The following TSFM variants were observed in gnomAD, a reference collection of about 807,000 sequenced individuals.
TSFM encodes elongation factor Ts, mitochondrial.
Under a neutral mutation model 33.4 loss-of-function variants are expected in TSFM, and 29 were observed. The observed-to-expected ratio is 0.87, with a 90% CI of 0.65 to 1.18. The LOEUF is 1.18. TSFM is among the 50% of genes most tolerant of loss of function. TSFM has a pLI of 0.00. For synonymous variants in TSFM, 178 were observed against 163.5 expected (o/e 1.09, Z -0.68); for missense variants, 394 against 395.6 (o/e 1.00, Z 0.04).
At chr12:57,792,368 G>C (rs540778175) in intron 4 of TSFM, among the ~76,000 whole-genome samples, 4 of 152,202 alleles carry the variant, frequency 2.6e-5, no homozygotes, top group Non-Finnish European at 5.9e-5. Flanking sequence ...AGCAACATAG[G>C]GAAACCCCAT....
Position 57,796,181 on chromosome 12 carries a change from A to T in TSFM, c.576A>T (p.Lys192Asn). The change falls in exon 6 of 6, where the codon AAA (lysine) becomes AAT (asparagine). Residue 192 changes from lysine (K) to asparagine (N), a missense_variant. Physicochemically the swap from Lys to Asn is moderately conservative, Grantham distance 94 (BLOSUM62 0). Transcript: ENST00000652027. Reference protein sequence around the residue: ...LKDQLALAIGKLGENMILKRA... With the variant: ...LKDQLALAIGNLGENMILKRA... ...TTTTTGTTTTTGCTTTAATAGGAAAACTGGGAGAAAACATGATTCTTAAAC... is the reference window on the plus strand; with the variant it reads ...TTTTTGTTTTTGCTTTAATAGGAAATCTGGGAGAAAACATGATTCTTAAAC... 1 of 1,572,538 alleles carries T rather than the reference A, an allele frequency of 6.4e-7. No homozygotes were observed.
Position 57,796,393 on chromosome 12 carries a change from TG to T in TSFM, c.790del (p.Ala264ProfsTer44), listed in dbSNP as rs748977370. 6.2e-7 allele frequency: 1 copy of T among 1,602,772 alleles called. No homozygotes were observed. Among genetic ancestry groups the T allele is most frequent in the Non-Finnish European group, 8.5e-7 (1 of 1,174,510 alleles). ...GRRLGQHVVG[M>X]APLSVGSLDD... Reference sequence around the variant, plus strand: ...CGCCTTGGGCAGCATGTGGTGGGCATGGCCCCCCTCTCTGTTGGCTCCCTGG... The same window carrying T: ...CGCCTTGGGCAGCATGTGGTGGGCATGCCCCCCTCTCTGTTGGCTCCCTGG... On this transcript the variant is annotated frameshift_variant, in exon 6 of 6. Transcript: ENST00000652027. LOFTEE classifies it high-confidence loss of function.
At chr12:57,784,192 A>G (rs1955557847) in intron 2 of TSFM, 3 of 697,620 alleles carry the variant, frequency 4.3e-6, no homozygotes, top group South Asian at 3.0e-5. Flanking sequence ...GTATCTAAAC[A>G]TAGAAAAAGT....
downstream of TSFM, chr12:57,802,258 C>T (rs200254571): frequency 1.9e-5 from 30 of 1,614,090 alleles, no homozygotes; most frequent in Middle Eastern, 1.7e-4. Context: ...GGATCTCGGC[C>T]GCTGGGGTGA....
intron 4 of TSFM, among the ~76,000 whole-genome samples, chr12:57,791,301 C>CG (rs1308923824): frequency 2.2e-4 from 33 of 152,178 alleles, no homozygotes; most frequent in African/African-American, 8.0e-4. Flanking sequence ...TGGGCCACCG[C>CG]GCCCGGCCGG....
chr12:57,789,230 C>G (rs1234551099), intron 4 of TSFM, among the ~76,000 whole-genome samples: 1 of 152,064 alleles, frequency 6.6e-6, no homozygotes, highest in Admixed American at 6.6e-5. Context: ...TCCCAAAGTG[C>G]TGGGATTACA....
intron 4 of TSFM, 108 bp from the exon 5 acceptor site, chr12:57,792,878 C>T: frequency 9.2e-7 from 1 of 1,092,630 alleles, no homozygotes; most frequent in Non-Finnish European, 1.3e-6. Flanking sequence ...AGGCGTGAGC[C>T]ACCACGCCTG....
intron 4 of TSFM, among the ~76,000 whole-genome samples, chr12:57,789,872 T>A (rs1955639855): frequency 6.6e-6 from 1 of 152,182 alleles, no homozygotes. Flanking sequence ...GATATGCCCT[T>A]ATTATTTTCT....
chr12:57,802,061 G>T, downstream of TSFM: 1 of 1,378,106 alleles, frequency 7.3e-7, no homozygotes. Flanking sequence ...TGAGGTCCTG[G>T]TTTCACTGAG....
chr12:57,784,001 A>G, intron 2 of TSFM: 1 of 702,956 alleles, frequency 1.4e-6, no homozygotes, highest in Non-Finnish European at 2.6e-6. Context: ...CATTCTGAGA[A>G]ATGGCGTCGT....
chr12:57,788,423 C>T (rs1365184301), intron 4 of TSFM, among the ~76,000 whole-genome samples: 1 of 151,972 alleles, frequency 6.6e-6, no homozygotes, highest in Non-Finnish European at 1.5e-5. Context: ...ACTACAGGCG[C>T]CCGCCACCAC....
At chr12:57,797,764 T>C, downstream of TSFM, 1 of 846,830 alleles carries the variant, frequency 1.2e-6, no homozygotes, top group Non-Finnish European at 1.7e-6. Context: ...TTGCAGACTC[T>C]ATTATATCTA....
At chr12:57,795,168 C>T (rs538781772) in intron 5 of TSFM, among the ~76,000 whole-genome samples, 2 of 150,884 alleles carry the variant, frequency 1.3e-5, no homozygotes, top group African/African-American at 2.4e-5. Flanking sequence ...GGCATGATCT[C>T]GCTCGCTGTA....
intron 1 of TSFM, 71 bp downstream of exon 1, chr12:57,782,929 C>T (rs904750086): frequency 2.0e-5 from 31 of 1,512,276 alleles, no homozygotes; most frequent in South Asian, 4.9e-5. Flanking sequence ...CCTTTCCCTT[C>T]CTCCCAACCT....
At chr12:57,802,302 C>T (rs374532704), downstream of TSFM, 3 of 1,613,862 alleles carry the variant, frequency 1.9e-6, no homozygotes, top group South Asian at 1.1e-5. Context: ...GGCAAGGGCA[C>T]TCTCCTTCTC....
rs768718007 is a variant in TSFM at position 57,796,540 on chromosome 12, G to T, written c.935G>T (p.Arg312Leu). ...GGGGTGTCGGTAGTAGACTTTGTGC[G>T]GTTTGAATGTGGAGAAGGTGAAGAG... ...PQGVSVVDFV[R>L]FECGEGEEAA... is the part of the protein sequence containing the mutation. Residue 312 changes from arginine (R) to leucine (L), a missense_variant, in exon 6 of 6, where the codon CGG (arginine) becomes CTG (leucine). By Grantham distance (102) the Arg-to-Leu change is moderately radical. Around this residue, in one of 3 missense-constraint regions of TSFM, gnomAD observed 186 missense variants for 198.8 expected, o/e 0.94. Transcript: ENST00000652027. 8.2e-6 allele frequency: 12 copies of T among 1,461,080 alleles called. No homozygotes were observed. The highest frequency in any genetic ancestry group is 1.1e-5 in the Non-Finnish European group (12 of 1,102,116). The allele number at this position is 1,461,080 out of a possible 1,614,324, so 90.5% of individuals were successfully genotyped here.
chr12:57,802,614 C>G (rs1016281716), exon 6 of TSFM: 1 of 702,792 alleles, frequency 1.4e-6, no homozygotes, highest in Non-Finnish European at 2.6e-6. Context: ...CAACTTCTTG[C>G]AGAACACCTC....
downstream of TSFM, chr12:57,801,176 C>T: frequency 6.2e-7 from 1 of 1,613,740 alleles, no homozygotes; most frequent in South Asian, 1.1e-5. Flanking sequence ...GCAGCATCTC[C>T]CAGCTCTTCT....
At position 57,782,806 on chromosome 12, in the gene TSFM, C is replaced by G; in HGVS notation, c.5C>G (p.Ser2Trp). Residue 2 changes from serine (S) to tryptophan (W), a missense_variant, in exon 1 of 6, where the codon TCG (serine) becomes TGG (tryptophan). Physicochemically the swap from Ser to Trp is radical, Grantham distance 177. Transcript: ENST00000652027. The part of the protein sequence containing the change: M[S>W]LLRSLRVFLV... ...GTGTTTATCGCGGCTAGAGAGATGT[C>G]GCTGCTGCGGTCGCTGCGCGTGTTT... 3 of 1,591,124 alleles carry G rather than the reference C, an allele frequency of 1.9e-6. No individual in the cohort carries two copies. Among genetic ancestry groups the G allele is most frequent in the Middle Eastern group, 1.7e-4 (1 of 6,028 alleles).
Sources: allele counts gnomAD v4.1 joint callset (sites outside exome capture counted in the v4.1 genomes callset), GRCh38; gene constraint gnomAD v4.1.1; regional missense constraint gnomAD v4.1.1; transcripts MANE v1.5; gene names NCBI Gene and HGNC (gene_info 2026-07-23, HGNC 2026-07-21).